Variants in GALNT3 observed in about 807,000 individuals in gnomAD.
The protein encoded by GALNT3 is polypeptide N-acetylgalactosaminyltransferase 3, also known as GalNAc transferase 3.
Under a neutral mutation model 69.8 loss-of-function variants are expected in GALNT3, and 51 were observed. The observed-to-expected ratio is 0.73, with a 90% CI of 0.58 to 0.92. The LOEUF (loss-of-function observed/expected upper bound fraction) is 0.92. Ranked by LOEUF, GALNT3 falls within the 40% of genes least tolerant of loss-of-function variation. GALNT3 has a pLI of 0.00. For missense variants in GALNT3, 711 were observed against 760.0 expected, an observed-to-expected ratio of 0.94 and a Z score of 0.76; for synonymous variants, 265 against 248.5, an observed-to-expected ratio of 1.07 and a Z score of -0.63.
At chr2:165,764,130 GT>G (rs1324226047) in intron 3 of GALNT3, among the ~76,000 whole-genome samples, 1 of 152,092 alleles carries the variant, frequency 6.6e-6, no homozygotes, top group African/African-American at 2.4e-5. Context: ...AATTAGCCTT[GT>G]GATTCCAATT....
intron 3 of GALNT3, among the ~76,000 whole-genome samples, chr2:165,762,628 A>C (rs1688572464): frequency 6.6e-6 from 1 of 152,210 alleles, no homozygotes; most frequent in African/African-American, 2.4e-5. Flanking sequence ...AAAGCTTTGG[A>C]GTCTCCTGAC....
chr2:165,786,125 T>C (rs1163175152), intron 1 of GALNT3, among the ~76,000 whole-genome samples: 1 of 152,230 alleles, frequency 6.6e-6, no homozygotes, highest in Non-Finnish European at 1.5e-5. Flanking sequence ...GAGGTGGCTG[T>C]GTATGAAAGA....
intron 3 of GALNT3, among the ~76,000 whole-genome samples, chr2:165,762,969 T>C (rs1688578247): frequency 4.1e-3 from 1 of 246 alleles, no homozygotes; most frequent in African/African-American, 4.1e-3. Flanking sequence ...TTTTCTTTTC[T>C]TTTTTTTTTT....
At chr2:165,780,646 T>G (rs547876982) in intron 1 of GALNT3, among the ~76,000 whole-genome samples, 48 of 101,768 alleles carry the variant, frequency 4.7e-4, no homozygotes, top group African/African-American at 9.8e-4. Flanking sequence ...GAGGGGTTTT[T>G]TTGTTGTTGT....
chr2:165,756,802 G>T (rs1421248932), intron 7 of GALNT3, among the ~76,000 whole-genome samples: 2 of 151,984 alleles, frequency 1.3e-5, no homozygotes, highest in African/African-American at 2.4e-5. Flanking sequence ...ATTGAACCAG[G>T]GCAGCAACAA....
chr2:165,790,996 C>G (rs1216616345), intron 1 of GALNT3, among the ~76,000 whole-genome samples: 1 of 152,090 alleles, frequency 6.6e-6, no homozygotes, highest in Non-Finnish European at 1.5e-5. Context: ...CAAAATTTCA[C>G]TGAATTCTTA....
At chr2:165,790,607 A>C (rs1202120893) in intron 1 of GALNT3, among the ~76,000 whole-genome samples, 1 of 152,112 alleles carries the variant, frequency 6.6e-6, no homozygotes, top group Non-Finnish European at 1.5e-5. Flanking sequence ...TCATTTCTAA[A>C]ATCCTAAATA....
chr2:165,762,934 C>T (rs976338443), intron 3 of GALNT3, among the ~76,000 whole-genome samples: 3 of 151,294 alleles, frequency 2.0e-5, no homozygotes, highest in Non-Finnish European at 4.4e-5. Context: ...CACAGGCATG[C>T]TCCAACAGGC....
chr2:165,748,784 A>C lies in GALNT3; in HGVS notation c.1899T>G (p.Asp633Glu). ...TCAACTTAATTTTAAGGAACACTTA[A>C]TCATTTTGGCTAAGTATCCATTTTT... ...PLQKWILSQN[D>E] The change falls in exon 11 of 11, where the codon GAT (aspartate) becomes GAG (glutamate). Residue 633 changes from aspartate to glutamate, a missense_variant. By Grantham distance (45) the Asp-to-Glu change is conservative. Coordinates refer to ENST00000392701, the MANE Select transcript of GALNT3 (RefSeq NM_004482.4). 1 of 1,609,376 alleles carries C rather than the reference A, an allele frequency of 6.2e-7. No homozygotes were observed. Among genetic ancestry groups the C allele is most frequent in the Non-Finnish European group, 8.5e-7 (1 of 1,177,122 alleles).
intron 2 of GALNT3, among the ~76,000 whole-genome samples, chr2:165,768,670 CT>C (rs1451880231): frequency 1.3e-5 from 2 of 152,124 alleles, no homozygotes; most frequent in African/African-American, 2.4e-5. Flanking sequence ...CTAGAAAAAC[CT>C]GAGTGAAACA....
chr2:165,786,172 A>C (rs1051755332), intron 1 of GALNT3, among the ~76,000 whole-genome samples: 1 of 152,244 alleles, frequency 6.6e-6, no homozygotes, highest in East Asian at 1.9e-4. Context: ...AAGTCAGTAG[A>C]TATTGCCAAA....
At chr2:165,787,228 G>A (rs1683242815) in intron 1 of GALNT3, among the ~76,000 whole-genome samples, 1 of 152,230 alleles carries the variant, frequency 6.6e-6, no homozygotes, top group Non-Finnish European at 1.5e-5. Flanking sequence ...AAGACTGCAT[G>A]TTAAGTAGTT....
intron 2 of GALNT3, among the ~76,000 whole-genome samples, chr2:165,767,223 G>A (rs1330997363): frequency 6.7e-6 from 1 of 150,234 alleles, no homozygotes; most frequent in African/African-American, 2.5e-5. Context: ...TAAACTAGAA[G>A]TAAAAATTAT....
At chr2:165,749,597 G>A in intron 10 of GALNT3, 145 bp downstream of exon 10, 1 of 794,944 alleles carries the variant, frequency 1.3e-6, no homozygotes, top group Non-Finnish European at 2.1e-6. Context: ...TTATCACATG[G>A]GTAGAAACAC....
chr2:165,762,937 C>T (rs922175469), intron 3 of GALNT3, among the ~76,000 whole-genome samples: 1 of 150,932 alleles, frequency 6.6e-6, no homozygotes, highest in Non-Finnish European at 1.5e-5. Flanking sequence ...AGGCATGCTC[C>T]AACAGGCCCA....
intron 1 of GALNT3, among the ~76,000 whole-genome samples, chr2:165,789,130 G>A (rs898063193): frequency 1.3e-5 from 2 of 152,186 alleles, no homozygotes; most frequent in African/African-American, 4.8e-5. Context: ...CTTAGTTCAT[G>A]CTATAACAAA....
intron 9 of GALNT3, among the ~76,000 whole-genome samples, chr2:165,753,764 A>C (rs887207117): frequency 2.0e-5 from 3 of 152,240 alleles, no homozygotes; most frequent in Non-Finnish European, 4.4e-5. Context: ...TGTGAATCTT[A>C]ATCAGTAAAA....
chr2:165,793,871 C>A (rs1234434324), intron 1 of GALNT3, 144 bp downstream of exon 1: 1 of 152,552 alleles, frequency 6.6e-6, no homozygotes, highest in African/African-American at 2.4e-5. Context: ...CAGGGGCAAC[C>A]GACACACTGC....
chr2:165,754,765 A>C, intron 8 of GALNT3, 37 bp from the exon 9 acceptor site: 1 of 1,473,684 alleles, frequency 6.8e-7, no homozygotes, highest in Non-Finnish European at 9.4e-7. Flanking sequence ...AAGTTTTTTA[A>C]TCCATGTGAT....
Sources: allele counts gnomAD v4.1 joint callset (sites outside exome capture counted in the v4.1 genomes callset), GRCh38; gene constraint gnomAD v4.1.1; transcripts MANE v1.5; gene names NCBI Gene and HGNC (gene_info 2026-07-23, HGNC 2026-07-21).